BTBD9: variants seen among roughly 807,000 people sequenced by gnomAD.
BTBD9 encodes BTB/POZ domain-containing protein 9.
In BTBD9, 49 loss-of-function variants were observed where a neutral mutation model predicts 64.3. That is an observed-to-expected ratio of 0.76 (90% CI 0.61 to 0.97). The LOEUF (loss-of-function observed/expected upper bound fraction) is 0.97. Among genes scored for constraint, BTBD9 ranks in the 50% least tolerant of loss-of-function variants. BTBD9 has a pLI of 0.00. For missense variants in BTBD9, 598 were observed against 762.1 expected, an observed-to-expected ratio of 0.78 and a Z score of 2.53; for synonymous variants, 260 against 274.7, an observed-to-expected ratio of 0.95 and a Z score of 0.53.
chr6:38,283,182 C>A (rs899389735), intron 8 of BTBD9, among the ~76,000 whole-genome samples: 18 of 152,164 alleles, frequency 1.2e-4, no homozygotes, highest in African/African-American at 4.3e-4. Flanking sequence ...CTTACTTAGG[C>A]CCAAACATTT....
intron 8 of BTBD9, among the ~76,000 whole-genome samples, chr6:38,256,911 T>A (rs987320843): frequency 5.9e-5 from 9 of 152,096 alleles, no homozygotes; most frequent in Non-Finnish European, 1.0e-4. Context: ...AGACAAGGTG[T>A]TTCTCTGTCA....
chr6:38,464,485 A>ATTTTC (rs70981552), intron 6 of BTBD9, among the ~76,000 whole-genome samples: 58,833 of 149,972 alleles, frequency 0.39, 11,808 homozygotes, highest in East Asian at 0.62. Context: ...ATTGTCTATA[A>ATTTTC]TTTTCTTTTC....
At chr6:38,615,576 T>C (rs1777755268) in intron 1 of BTBD9, among the ~76,000 whole-genome samples, 1 of 152,196 alleles carries the variant, frequency 6.6e-6, no homozygotes, top group African/African-American at 2.4e-5. Context: ...CAGAATGTTT[T>C]GTTCCCAAAG....
At chr6:38,241,306 G>T (rs1480636362) in intron 9 of BTBD9, among the ~76,000 whole-genome samples, 2 of 152,192 alleles carry the variant, frequency 1.3e-5, no homozygotes, top group African/African-American at 4.8e-5. Context: ...CTAAGGCTCT[G>T]AGAACCGCAG....
At position 38,295,279 on chromosome 6, in the gene BTBD9, C is replaced by T. The variant is rs551783350; in HGVS notation, c.1265-6818G>A. Among the ~76,000 whole-genome samples the T allele has an allele frequency of 2.0e-4, 30 of 152,042 alleles. No homozygotes were observed. The East Asian group carries it at 3.7e-3, about 19-fold the overall frequency. On this transcript the variant is annotated intron_variant, in intron 7 of 10. Coordinates refer to ENST00000481247, the MANE Select transcript of BTBD9 (RefSeq NM_001099272.2). ...TCCCAGGCTCAAGCAATCCTCCTGC[C>T]TCAGCCTCTCGAGTAGCTGGAACCA...
At chr6:38,251,891 C>CAAA (rs534067503) in intron 9 of BTBD9, among the ~76,000 whole-genome samples, 1 of 73,150 alleles carries the variant, frequency 1.4e-5, no homozygotes. Context: ...GACTCTGTCT[C>CAAA]AAAAAAAAAA....
intron 6 of BTBD9, among the ~76,000 whole-genome samples, chr6:38,419,705 T>C (rs986798907): frequency 4.6e-5 from 7 of 152,038 alleles, no homozygotes; most frequent in Non-Finnish European, 8.8e-5. Flanking sequence ...ACCCCATCTC[T>C]ACTAAAAATA....
chr6:38,567,025 A>G (rs1477043015), intron 6 of BTBD9, among the ~76,000 whole-genome samples: 1 of 152,216 alleles, frequency 6.6e-6, no homozygotes, highest in East Asian at 1.9e-4. Flanking sequence ...CTCCAAAATT[A>G]CAATGGGCAA....
chr6:38,432,584 T>C (rs1406978599), intron 6 of BTBD9, among the ~76,000 whole-genome samples: 3 of 151,948 alleles, frequency 2.0e-5, no homozygotes, highest in Non-Finnish European at 2.9e-5. Context: ...ATTCTCCAAC[T>C]GATCCTATAG....
At chr6:38,597,800 A>T (rs1777098118) in intron 2 of BTBD9, 110 bp downstream of exon 2, 2 of 864,630 alleles carry the variant, frequency 2.3e-6, no homozygotes, top group African/African-American at 3.4e-5. Context: ...TTGAATTGAG[A>T]GACTGCAAGA....
chr6:38,213,900 G>A (rs1175408071), intron 9 of BTBD9, among the ~76,000 whole-genome samples: 2 of 151,914 alleles, frequency 1.3e-5, no homozygotes, highest in Non-Finnish European at 2.9e-5. Context: ...GGAGGCTGAG[G>A]CAGGAAAATG....
rs10660204 is a variant in BTBD9, at chr6:38,585,938, CCACACACA to C, written c.815-5509_815-5502del. Among the ~76,000 whole-genome samples, 522 of 140,862 alleles carry C rather than the reference CCACACACA, an allele frequency of 3.7e-3. 1 individual carries two copies. The highest frequency in any genetic ancestry group is 6.9e-3 in the Middle Eastern group (2 of 288). 92.4% of individuals were successfully genotyped at this position (140,862 alleles called of 152,430 possible). On this transcript the variant is annotated intron_variant, in intron 4 of 10. Transcript: ENST00000481247. Reference sequence around the variant, plus strand: ...ATAGGTACAGGGTAAACAGGACAGACCACACACACACACACACACACACACACACACAC... The same window carrying C: ...ATAGGTACAGGGTAAACAGGACAGACCACACACACACACACACACACACAC...
intron 8 of BTBD9, among the ~76,000 whole-genome samples, chr6:38,266,687 G>C (rs190705971): frequency 5.3e-5 from 8 of 150,446 alleles, no homozygotes; most frequent in South Asian, 2.1e-4. Flanking sequence ...AGAAGAAAAA[G>C]AAAATTATCT....
At chr6:38,381,330 AAC>A (rs1278357190) in intron 6 of BTBD9, among the ~76,000 whole-genome samples, 5 of 152,202 alleles carry the variant, frequency 3.3e-5, no homozygotes, top group African/African-American at 9.6e-5. Flanking sequence ...TGTCAGAAAA[AAC>A]AGACATTAAA....
intron 6 of BTBD9, among the ~76,000 whole-genome samples, chr6:38,514,306 T>C (rs967923192): frequency 6.6e-6 from 1 of 152,262 alleles, no homozygotes; most frequent in Non-Finnish European, 1.5e-5. Flanking sequence ...TTATTCCTAA[T>C]ATGTGTCTAT....
chr6:38,243,500 T>G (rs1764079535), intron 9 of BTBD9, among the ~76,000 whole-genome samples: 1 of 152,094 alleles, frequency 6.6e-6, no homozygotes, highest in East Asian at 1.9e-4. Flanking sequence ...TAGAAGCTAC[T>G]ATAAATACTC....
At chr6:38,579,080 C>T (rs1046132112) in intron 5 of BTBD9, among the ~76,000 whole-genome samples, 6 of 152,002 alleles carry the variant, frequency 3.9e-5, no homozygotes, top group African/African-American at 1.5e-4. Flanking sequence ...CTCCACTTTG[C>T]CAATTAAAAA....
intron 1 of BTBD9, among the ~76,000 whole-genome samples, chr6:38,608,030 T>G (rs1300763260): frequency 6.6e-6 from 1 of 152,116 alleles, no homozygotes; most frequent in Non-Finnish European, 1.5e-5. Flanking sequence ...GTACAAAAAC[T>G]TACCAGATTT....
chr6:38,545,341 G>A (rs1039309307), intron 6 of BTBD9, among the ~76,000 whole-genome samples: 5 of 152,088 alleles, frequency 3.3e-5, no homozygotes, highest in Non-Finnish European at 5.9e-5. Flanking sequence ...TTACAGGCGT[G>A]AGCCACCATG....
Sources: gnomAD v4.1 joint callset for allele counts (sites outside exome capture counted in the v4.1 genomes callset) on GRCh38, gnomAD v4.1.1 for gene constraint, MANE v1.5 for transcripts, NCBI Gene and HGNC (gene_info 2026-07-23, HGNC 2026-07-21) for gene names.